The following CTTNBP2 variants were observed in gnomAD, a reference collection of about 807,000 sequenced individuals.
CTTNBP2 encodes the protein cortactin-binding protein 2.
CTTNBP2 carries 108 observed loss-of-function variants against 156.9 expected under a neutral mutation model. The observed-to-expected ratio is 0.69, with a 90% confidence interval of 0.59 to 0.81. The LOEUF is 0.81. CTTNBP2 is among the 30% of genes least tolerant of loss of function. CTTNBP2 has a pLI of 0.00. For synonymous variants in CTTNBP2, 767 were observed against 751.8 expected, an observed-to-expected ratio of 1.02 and a Z score of -0.33; for missense variants, 1,924 against 2,035.4, an observed-to-expected ratio of 0.95 and a Z score of 1.05.
intron 2 of CTTNBP2, among the ~76,000 whole-genome samples, chr7:117,812,127 G>A (rs535104616): frequency 3.9e-5 from 6 of 151,944 alleles, no homozygotes; most frequent in East Asian, 1.9e-4. Context: ...GTCCATCAGC[G>A]ACAAAGTTAA....
At chr7:117,761,762 T>C (rs545227834) in intron 9 of CTTNBP2, among the ~76,000 whole-genome samples, 1 of 152,330 alleles carries the variant, frequency 6.6e-6, no homozygotes, top group East Asian at 1.9e-4. Context: ...TATGTTTTTT[T>C]CAAACAAGAG....
At chr7:117,838,505 A>T (rs1270682929) in intron 2 of CTTNBP2, among the ~76,000 whole-genome samples, 1 of 152,230 alleles carries the variant, frequency 6.6e-6, no homozygotes, top group Admixed American at 6.5e-5. Flanking sequence ...AGAAAAAGGA[A>T]AGAAAAATTT....
intron 12 of CTTNBP2, among the ~76,000 whole-genome samples, chr7:117,755,072 C>T (rs753809224): frequency 2.6e-5 from 4 of 152,142 alleles, no homozygotes; most frequent in African/African-American, 9.7e-5. Flanking sequence ...TTGATCACAC[C>T]CTTCAACCTT....
intron 1 of CTTNBP2, among the ~76,000 whole-genome samples, chr7:117,862,798 T>C (rs984079123): frequency 1.3e-5 from 2 of 152,226 alleles, no homozygotes; most frequent in African/African-American, 4.8e-5. Flanking sequence ...GACTCTAATT[T>C]ACACCATATT....
intron 5 of CTTNBP2, 116 bp from the exon 6 acceptor site, chr7:117,783,077 A>G: frequency 1.5e-6 from 1 of 652,416 alleles, no homozygotes. Context: ...TGCACAGTTC[A>G]TCTCAGAATT....
chr7:117,746,136 G>A, intron 12 of CTTNBP2, 37 bp from the exon 13 acceptor site: 1 of 1,457,758 alleles, frequency 6.9e-7, no homozygotes, highest in Non-Finnish European at 9.6e-7. Context: ...GGGTGAAGAT[G>A]CTAAATTGAT....
chr7:117,746,817 G>A (rs1406031864), intron 12 of CTTNBP2, among the ~76,000 whole-genome samples: 3 of 151,908 alleles, frequency 2.0e-5, no homozygotes, highest in Non-Finnish European at 4.4e-5. Context: ...GATTACTTTC[G>A]CTTTGTCAAA....
rs191062358 is a variant in CTTNBP2, at chr7:117,779,102, G to A, written c.2524-1337C>T. ...GACAAGACAATGGTGCTCCAATCAG[G>A]TAAATAAACTCCACTTGGCTAAGAC... On this transcript the variant is annotated intron_variant, in intron 7 of 22. Transcript: ENST00000160373. 1.3e-3 allele frequency among the ~76,000 whole-genome samples: 201 copies of A among 152,176 alleles called. 1 individual carries two copies. The highest frequency in any genetic ancestry group is 2.2e-3 in the Non-Finnish European group (152 of 67,990).
chr7:117,725,399 C>T, intron 17 of CTTNBP2, 142 bp from the exon 18 acceptor site: 1 of 738,618 alleles, frequency 1.4e-6, no homozygotes, highest in Non-Finnish European at 2.3e-6. Context: ...AGGTAGTTTT[C>T]AAAGAAGTGA....
chr7:117,720,960 TTAACA>T (rs1356243699), intron 20 of CTTNBP2, 102 bp downstream of exon 20: 8 of 790,776 alleles, frequency 1.0e-5, no homozygotes, highest in Non-Finnish European at 1.8e-5. Context: ...TAAAACCATA[TTAACA>T]TAATAGTCAT....
At chr7:117,783,800 G>A (rs1798557422) in intron 5 of CTTNBP2, among the ~76,000 whole-genome samples, 1 of 152,018 alleles carries the variant, frequency 6.6e-6, no homozygotes, top group South Asian at 2.1e-4. Flanking sequence ...AGTCTTCATC[G>A]ATATACCATT....
intron 2 of CTTNBP2, among the ~76,000 whole-genome samples, chr7:117,846,243 G>A (rs113776759): frequency 6.9e-4 from 105 of 152,070 alleles, no homozygotes; most frequent in Admixed American, 2.6e-3. Flanking sequence ...TTGATTCTTC[G>A]ACCATGTGAA....
At chr7:117,841,790 C>T (rs1802293520) in intron 2 of CTTNBP2, among the ~76,000 whole-genome samples, 1 of 152,156 alleles carries the variant, frequency 6.6e-6, no homozygotes, top group Non-Finnish European at 1.5e-5. Flanking sequence ...GATTACTTCT[C>T]TTTTTCATGA....
intron 6 of CTTNBP2, among the ~76,000 whole-genome samples, chr7:117,781,196 G>T (rs1026625225): frequency 5.3e-5 from 8 of 152,206 alleles, no homozygotes; most frequent in Non-Finnish European, 1.0e-4. Context: ...AAGGAGGAAA[G>T]AAATGAGGTA....
At chr7:117,720,961 T>C (rs1241349508) in intron 20 of CTTNBP2, 106 bp downstream of exon 20, 1 of 793,900 alleles carries the variant, frequency 1.3e-6, no homozygotes, top group African/African-American at 1.8e-5. Context: ...AAAACCATAT[T>C]AACATAATAG....
intron 16 of CTTNBP2, among the ~76,000 whole-genome samples, chr7:117,729,035 A>G (rs1454703334): frequency 6.6e-6 from 1 of 152,212 alleles, no homozygotes; most frequent in Non-Finnish European, 1.5e-5. Context: ...CATCAAGACC[A>G]CATGTAGAGG....
At chr7:117,819,645 C>G (rs1029100349) in intron 2 of CTTNBP2, among the ~76,000 whole-genome samples, 2 of 152,096 alleles carry the variant, frequency 1.3e-5, no homozygotes, top group African/African-American at 4.8e-5. Context: ...TATACTTGAG[C>G]CACAGAAGTG....
At chr7:117,836,284 G>T (rs765807137) in intron 2 of CTTNBP2, among the ~76,000 whole-genome samples, 2 of 152,178 alleles carry the variant, frequency 1.3e-5, no homozygotes, top group African/African-American at 2.4e-5. Context: ...GAAGACAGTG[G>T]CTGGGAGCGG....
chr7:117,796,573 G>A (rs1185584438), intron 3 of CTTNBP2, among the ~76,000 whole-genome samples: 1 of 152,176 alleles, frequency 6.6e-6, no homozygotes, highest in African/African-American at 2.4e-5. Context: ...AATTGGTTCT[G>A]TATGATCCTA....
Sources: allele counts gnomAD v4.1 joint callset (sites outside exome capture counted in the v4.1 genomes callset), GRCh38; gene constraint gnomAD v4.1.1; transcripts MANE v1.5; gene names NCBI Gene and HGNC (gene_info 2026-07-23, HGNC 2026-07-21).